Variants in ZNF839 observed in about 807,000 individuals in gnomAD.
The protein encoded by ZNF839 is zinc finger protein 839.
Under a neutral mutation model 56.4 loss-of-function variants are expected in ZNF839, and 38 were observed. The ratio of observed to expected loss-of-function variants is 0.67; its 90% CI spans 0.52 to 0.88. ZNF839 has a LOEUF of 0.88. Among genes scored for constraint, ZNF839 ranks in the 40% least tolerant of loss-of-function variants. The probability of loss-of-function intolerance (pLI) is 0.00; values close to 1 mark genes in which losing one functional copy is unlikely to be tolerated. For synonymous variants in ZNF839, 486 were observed against 493.5 expected (o/e 0.98, Z 0.20); for missense variants, 1,091 against 1,177.6 (o/e 0.93, Z 1.08).
chr14:102,328,376 ATATATATATATATATATAT>A (rs1480362109), intron 2 of ZNF839, among the ~76,000 whole-genome samples: 21 of 16,952 alleles, frequency 1.2e-3, no homozygotes, highest in Non-Finnish European at 1.4e-3. Context: ...AAAAAAAAAA[ATATATATATATATATATAT>A]ATATATATAT....
intron 2 of ZNF839, among the ~76,000 whole-genome samples, chr14:102,329,270 A>G (rs1414334163): frequency 6.6e-6 from 1 of 152,136 alleles, no homozygotes; most frequent in Non-Finnish European, 1.5e-5. Context: ...GCCCGGCCCA[A>G]TTTCTTTGGG....
At chr14:102,337,369 G>C (rs1338949341) in intron 5 of ZNF839, 1 of 151,698 alleles carries the variant, frequency 6.6e-6, no homozygotes, top group Non-Finnish European at 1.5e-5. Context: ...GGGTTTCACC[G>C]TATTGGCCAG....
At position 102,339,211 on chromosome 14, in the gene ZNF839, G is replaced by A. The variant is rs752147136; in HGVS notation, c.1915G>A (p.Ala639Thr). 24 of 1,610,884 alleles carry A rather than the reference G, an allele frequency of 1.5e-5. No individual in the cohort carries two copies. The highest frequency in any genetic ancestry group is 2.0e-5 in the Non-Finnish European group (24 of 1,178,578). ...RGREKPRPLH[A>T]LAAGFSPPVN... ...CCGGGAGAAGCCCAGGCCCTTGCATGCTTTGGCCGCTGGTGAGGGTAAAAT... is the reference window on the plus strand; with the variant it reads ...CCGGGAGAAGCCCAGGCCCTTGCATACTTTGGCCGCTGGTGAGGGTAAAAT... The change falls in exon 7 of 8, where the codon GCT (alanine) becomes ACT (threonine). Residue 639 changes from alanine (A) to threonine (T), a missense_variant. Physicochemically the swap from Ala to Thr is moderately conservative, Grantham distance 58 (BLOSUM62 0). Transcript: ENST00000442396.
At chr14:102,325,345 A>G (rs547344606) in intron 1 of ZNF839, among the ~76,000 whole-genome samples, 303 of 151,992 alleles carry the variant, frequency 2.0e-3, no homozygotes, top group African/African-American at 7.1e-3. Context: ...ATCTCAGAAA[A>G]AAAAAAAAAA....
upstream of ZNF839, among the ~76,000 whole-genome samples, chr14:102,318,141 C>T (rs2072951567): frequency 1.3e-5 from 2 of 152,216 alleles, no homozygotes; most frequent in African/African-American, 2.4e-5. Context: ...GAGCCTGGGG[C>T]AGCTGACACT....
chr14:102,328,373 AAAATATATATATATATATATATATAT>A (rs1204697306), intron 2 of ZNF839, among the ~76,000 whole-genome samples: 4 of 23,026 alleles, frequency 1.7e-4, no homozygotes, highest in South Asian at 1.7e-3. Context: ...AAAAAAAAAA[AAAATATATATATATATATATATATAT>A]ATATATATAT....
At position 102,334,603 on chromosome 14, in the gene ZNF839, A is replaced by G. The variant is rs768894824; in HGVS notation, c.1466A>G (p.Gln489Arg). Residue 489 changes from glutamine to arginine, a missense_variant, in exon 4 of 8, where the codon CAG (glutamine) becomes CGG (arginine). By Grantham distance (43) the Gln-to-Arg change is conservative. Around this residue, in one of 3 missense-constraint regions of ZNF839, gnomAD observed 614 missense variants for 629.2 expected, o/e 0.98. Transcript: ENST00000442396. ...REDLVELALP[Q>R]LAQVVTVYEF... ...GATCTGGTGGAATTGGCTCTGCCTC[A>G]GCTGGCTCAGGTTGTGACCGTGTAT... is the stretch of plus-strand genomic sequence containing the variant. The G allele has an allele frequency of 6.2e-7, 1 of 1,612,880 alleles. No homozygotes were observed. The highest frequency in any genetic ancestry group is 8.5e-7 in the Non-Finnish European group (1 of 1,179,484).
At position 102,319,887 on chromosome 14, in the gene ZNF839, TGC is replaced by T; in HGVS notation, c.124_125del (p.Arg42AlafsTer126). ...GTGGCCCCGCTGGGCCCCGAGCAGCTGCGGCAGGTCCTGGAGCAGGTGACGAA... is the reference window on the plus strand; with the variant it reads ...GTGGCCCCGCTGGGCCCCGAGCAGCTGGCAGGTCCTGGAGCAGGTGACGAA... On this transcript the variant is annotated frameshift_variant, in exon 1 of 8. Coordinates refer to ENST00000442396, the MANE Select transcript of ZNF839 (RefSeq NM_018335.6). LOFTEE classifies it high-confidence loss of function. The surrounding 1 kb of genome is among the most constrained non-coding windows in gnomAD (Gnocchi z 4.5). The T allele has an allele frequency of 8.3e-7, 1 of 1,204,784 alleles. No individual in the cohort carries two copies. The highest frequency in any genetic ancestry group is 2.3e-5 in the South Asian group (1 of 42,746). The allele number at this position is 1,204,784 out of a possible 1,614,324, so 74.6% of individuals were successfully genotyped here. A position where few individuals can be genotyped will look rare whatever the true frequency, so the allele number is the denominator to read the frequency against.
upstream of ZNF839, chr14:102,319,721 C>A (rs2073012106): frequency 2.4e-6 from 3 of 1,225,086 alleles, no homozygotes; most frequent in Non-Finnish European, 3.1e-6. The surrounding 1 kb of genome is among the most constrained non-coding windows in gnomAD (Gnocchi z 4.5). Context: ...ACATTGGAGA[C>A]GCCGTCGCTC....
At position 102,338,855 on chromosome 14, in the gene ZNF839, A is replaced by G. The variant is rs1567297208; in HGVS notation, c.1699A>G (p.Lys567Glu). ...AGGAATCACAGAATTCCTACGGAAG[A>G]AAGAAATACACCCAGACAACCTTGG... The part of the protein sequence containing the change: ...SLGITEFLRK[K>E]EIHPDNLGPK... Residue 567 changes from lysine (K) to glutamate (E), a missense_variant, in exon 6 of 8, where the codon AAA becomes GAA. Physicochemically the swap from Lys to Glu is moderately conservative, Grantham distance 56. Coordinates refer to ENST00000442396, the MANE Select transcript of ZNF839 (RefSeq NM_018335.6). 7 of 1,613,952 alleles carry G rather than the reference A, an allele frequency of 4.3e-6. No homozygotes were observed. The highest frequency in any genetic ancestry group is 5.9e-6 in the Non-Finnish European group (7 of 1,179,874).
At chr14:102,334,493 T>A in intron 3 of ZNF839, 61 bp from the exon 4 acceptor site, 1 of 1,243,404 alleles carries the variant, frequency 8.0e-7, no homozygotes, top group South Asian at 1.3e-5. Context: ...TGCACCAACT[T>A]GTTGGCTATT....
At chr14:102,329,427 C>T (rs1335671567) in intron 2 of ZNF839, among the ~76,000 whole-genome samples, 1 of 151,984 alleles carries the variant, frequency 6.6e-6, no homozygotes, top group Non-Finnish European at 1.5e-5. Flanking sequence ...CTCTGTTGCC[C>T]AGGCTGGAGT....
chr14:102,341,761 G>A lies in ZNF839; in HGVS notation c.2366G>A (p.Ser789Asn), dbSNP rs1886551868. The change falls in exon 8 of 8, where the codon AGC becomes AAC. Residue 789 changes from serine to asparagine, a missense_variant. By Grantham distance (46) the Ser-to-Asn change is conservative (BLOSUM62 1). Around this residue, in one of 3 missense-constraint regions of ZNF839, gnomAD observed 431 missense variants for 468.0 expected, o/e 0.92. Coordinates refer to ENST00000442396, the MANE Select transcript of ZNF839 (RefSeq NM_018335.6). ...HLNHQQPSPT[S>N]VLPTEVAAPP... ...AACCACCAGCAGCCCAGCCCCACCAGCGTCCTGCCTACAGAGGTGGCAGCC... is the reference window on the plus strand; with the variant it reads ...AACCACCAGCAGCCCAGCCCCACCAACGTCCTGCCTACAGAGGTGGCAGCC... 1 of 1,613,896 alleles carries A rather than the reference G, an allele frequency of 6.2e-7. No individual in the cohort carries two copies. The highest frequency in any genetic ancestry group is 1.1e-5 in the South Asian group (1 of 91,092).
intron 1 of ZNF839, among the ~76,000 whole-genome samples, chr14:102,321,544 T>C (rs2073128341): frequency 1.3e-5 from 2 of 152,204 alleles, no homozygotes; most frequent in Non-Finnish European, 2.9e-5. Flanking sequence ...TGCAATAATA[T>C]ACCTTTGCAG....
In ZNF839 at chr14:102,319,972, G is replaced by A; in HGVS notation, c.207G>A (p.Leu69=). The change falls in exon 1 of 8, where the codon CTG becomes CTA. Residue 69 remains leucine (L), a synonymous_variant. Coordinates refer to ENST00000442396, the MANE Select transcript of ZNF839 (RefSeq NM_018335.6). The surrounding 1 kb of genome is among the most constrained non-coding windows in gnomAD (Gnocchi z 4.5). Reference sequence around the variant, plus strand: ...TGCTGCGGGACGCGGCGCGGCGGCTGCGGGACGCGGCCCAACAGGCCGCCC... The same window carrying A: ...TGCTGCGGGACGCGGCGCGGCGGCTACGGGACGCGGCCCAACAGGCCGCCC... ...PFVLRDAARR[L]RDAAQQAALQ... The A allele has an allele frequency of 8.6e-7, 1 of 1,168,502 alleles. No individual in the cohort carries two copies. The highest frequency in any genetic ancestry group is 1.1e-6 in the Non-Finnish European group (1 of 952,038). 72.4% of individuals were successfully genotyped at this position (1,168,502 alleles called of 1,614,324 possible).
At chr14:102,325,881 A>C (rs1448597496) in intron 1 of ZNF839, 104 bp from the exon 2 acceptor site, 26 of 1,330,698 alleles carry the variant, frequency 2.0e-5, no homozygotes, top group Non-Finnish European at 2.6e-5. Flanking sequence ...TGTAAGATGT[A>C]ATTTAGAAAA....
intron 5 of ZNF839, among the ~76,000 whole-genome samples, chr14:102,336,344 G>C (rs963984823): frequency 3.9e-5 from 6 of 151,954 alleles, no homozygotes; most frequent in Non-Finnish European, 8.8e-5. Context: ...ACCCAGGCTA[G>C]AGTGCAGTGG....
chr14:102,323,152 G>A (rs575183226), intron 1 of ZNF839, among the ~76,000 whole-genome samples: 4 of 152,334 alleles, frequency 2.6e-5, no homozygotes, highest in South Asian at 4.1e-4. Flanking sequence ...CCAGTTGGTC[G>A]TCCCAAATAA....
At chr14:102,335,436 G>T in intron 4 of ZNF839, 1 of 422,040 alleles carries the variant, frequency 2.4e-6, no homozygotes, top group Non-Finnish European at 4.2e-6. Context: ...ACCCTGTCCA[G>T]GAGCTCACCC....
Sources: gnomAD v4.1 joint callset for allele counts (sites outside exome capture counted in the v4.1 genomes callset) on GRCh38, gnomAD v4.1.1 for gene constraint, gnomAD v4.1.1 regional missense constraint, Gnocchi (gnomAD v3.1) non-coding constraint, MANE v1.5 for transcripts, NCBI Gene and HGNC (gene_info 2026-07-23, HGNC 2026-07-21) for gene names.